The following ZNF514 variants were observed in gnomAD, a reference collection of about 807,000 sequenced individuals.
ZNF514 encodes the protein zinc finger protein 514.
A neutral mutation model predicts 9.7 loss-of-function variants in ZNF514; 12 were observed. That is an observed-to-expected ratio of 1.24 (90% CI 0.79 to 2.01). The LOEUF (loss-of-function observed/expected upper bound fraction) is 2.01, where lower values mean the gene tolerates loss of function less well. Ranked by LOEUF, ZNF514 falls within the 30% of genes most tolerant of loss-of-function variation. The pLI is 0.00. For missense variants in ZNF514, 467 were observed against 465.5 expected (o/e 1.00, Z -0.03); for synonymous variants, 158 against 163.7 (o/e 0.97, Z 0.27).
chr2:95,150,490 A>G (rs1312812952), intron 4 of ZNF514, among the ~76,000 whole-genome samples: 3 of 152,162 alleles, frequency 2.0e-5, no homozygotes, highest in Non-Finnish European at 4.4e-5. Context: ...AATCTGAGAG[A>G]TATGTGTTTA....
Position 95,157,449 on chromosome 2 carries a change from TAGA to T in ZNF514, c.-95-13_-95-11del, listed in dbSNP as rs946324480. 64 of 1,288,160 alleles carry T rather than the reference TAGA, an allele frequency of 5.0e-5. No homozygotes were observed. The highest frequency in any genetic ancestry group is 7.6e-5 in the African/African-American group (5 of 65,788). The allele number at this position is 1,288,160 out of a possible 1,614,324, so 79.8% of individuals were successfully genotyped here. On this transcript the variant is annotated splice_polypyrimidine_tract_variant and intron_variant, in intron 1 of 4. Coordinates refer to ENST00000295208, the MANE Select transcript of ZNF514 (RefSeq NM_032788.3). ...TTCTGAGAAGGGGAAGCTGGGAAGG[TAGA>T]AGGAGACATAAGGGAAGCTGACCCA...
the ZNF514 span, among the ~76,000 whole-genome samples, chr2:95,135,232 G>GT: frequency 3.3e-5 from 5 of 151,934 alleles, no homozygotes; most frequent in African/African-American, 1.2e-4. Flanking sequence ...AACGTGAGAT[G>GT]TTTTTTCATT....
rs943705436 is a variant in ZNF514, at chr2:95,149,671, T to A, written c.814A>T (p.Ser272Cys). Residue 272 changes from serine to cysteine, a missense_variant, in exon 5 of 5, where the codon AGT becomes TGT. Ser to Cys is a moderately radical substitution (Grantham distance 112). Coordinates refer to ENST00000295208, the MANE Select transcript of ZNF514 (RefSeq NM_032788.3). ...CSECGRAFSQ[S>C]SSLVLHYRFH... is the part of the protein sequence containing the mutation. Reference sequence around the variant, plus strand: ...CTATAGTGCAGAACAAGAGACGAACTCTGGCTGAAGGCTCTCCCACATTCA... The same window carrying A: ...CTATAGTGCAGAACAAGAGACGAACACTGGCTGAAGGCTCTCCCACATTCA... 6.2e-6 allele frequency: 10 copies of A among 1,614,248 alleles called. No homozygotes were observed. The highest frequency in any genetic ancestry group is 8.5e-6 in the Non-Finnish European group (10 of 1,180,040).
At chr2:95,143,053 A>G (rs932275984), downstream of ZNF514, among the ~76,000 whole-genome samples, 6 of 152,222 alleles carry the variant, frequency 3.9e-5, no homozygotes, top group Admixed American at 6.5e-5. Context: ...TCTTTGCTCA[A>G]TGCTTCTGTA....
In ZNF514 at chr2:95,155,021, GAAGGGGGCATA is replaced by G. The variant is rs1164370282; in HGVS notation, c.-6-1773_-6-1763del. 3.3e-5 allele frequency: 5 copies of G among 152,302 alleles called. No individual in the cohort carries two copies. The South Asian group carries it at 6.2e-4, about 19-fold the overall frequency. 9.4% of individuals were successfully genotyped at this position (152,302 alleles called of 1,614,324 possible). A position where few individuals can be genotyped will look rare whatever the true frequency, so the allele number is the denominator to read the frequency against. On this transcript the variant is annotated intron_variant, in intron 2 of 4. Coordinates refer to ENST00000295208, the MANE Select transcript of ZNF514 (RefSeq NM_032788.3). ...CAAAAACTCCACAATTAAGGCTAAA[GAAGGGGGCATA>G]TTTCAAAAAGAACTGTGGGTCAAAC...
rs1314930736 is a variant in ZNF514, at chr2:95,159,358, GC to G, written c.-215del. On this transcript the variant is annotated 5_prime_UTR_variant, in exon 1 of 5. Coordinates refer to ENST00000295208, the MANE Select transcript of ZNF514 (RefSeq NM_032788.3). ...CCACAGCCACGCCCGCGACGCGAGG[GC>G]CCAGCGCTCTTCAGCTGCCCGGAAA... is the stretch of plus-strand genomic sequence containing the variant. 5 of 163,964 alleles carry G rather than the reference GC, an allele frequency of 3.0e-5. No individual in the cohort carries two copies. Among genetic ancestry groups the G allele is most frequent in the Non-Finnish European group, 6.6e-5 (5 of 75,586 alleles). 10.2% of individuals were successfully genotyped at this position (163,964 alleles called of 1,614,324 possible).
At chr2:95,144,594 A>G (rs980183758), downstream of ZNF514, among the ~76,000 whole-genome samples, 1 of 152,128 alleles carries the variant, frequency 6.6e-6, no homozygotes, top group South Asian at 2.1e-4. Flanking sequence ...ACTCTTCCCT[A>G]TGCATCTCAT....
the ZNF514 span, among the ~76,000 whole-genome samples, chr2:95,128,144 G>A: frequency 1.3e-5 from 2 of 152,006 alleles, no homozygotes; most frequent in African/African-American, 4.8e-5. Context: ...TGTAATCCCA[G>A]CACTTGGGGA....
chr2:95,133,077 G>A, the ZNF514 span, among the ~76,000 whole-genome samples: 1 of 151,986 alleles, frequency 6.6e-6, no homozygotes, highest in South Asian at 2.1e-4. Flanking sequence ...ACGCACTCTC[G>A]TAAATCCATG....
At chr2:95,133,650 CATT>C in the ZNF514 span, among the ~76,000 whole-genome samples, 3 of 152,096 alleles carry the variant, frequency 2.0e-5, no homozygotes, top group Non-Finnish European at 4.4e-5. Context: ...TTTTTCTTGT[CATT>C]ATTTCCTAGG....
In ZNF514 at chr2:95,146,271, C is replaced by G. The variant is rs1333305723; in HGVS notation, c.*3011G>C. Among the ~76,000 whole-genome samples the G allele has an allele frequency of 1.3e-5, 2 of 152,154 alleles. No homozygotes were observed. The highest frequency in any genetic ancestry group is 2.9e-5 in the Non-Finnish European group (2 of 68,036). On this transcript the variant is annotated 3_prime_UTR_variant, in exon 5 of 5. Coordinates refer to ENST00000295208, the MANE Select transcript of ZNF514 (RefSeq NM_032788.3). ...AAAAAATTATTTAAATAGATCAAGA[C>G]AGTGATACGATTTACCACAAGTCTA...
Position 95,157,523 on chromosome 2 carries a change from C to G in ZNF514, c.-95-84G>C, listed in dbSNP as rs1050534379. On this transcript the variant is annotated intron_variant, in intron 1 of 4. Transcript: ENST00000295208. ...GACTTCCCAAGCCTGAGACCCAGAA[C>G]AGCTCTGAATGTCACCTCCGTTGTT... 3.7e-5 allele frequency: 27 copies of G among 726,940 alleles called. No individual in the cohort carries two copies. In the African/African-American group the frequency reaches 4.4e-4, roughly 12 times the overall value. The allele number at this position is 726,940 out of a possible 1,614,324, so 45.0% of individuals were successfully genotyped here.
rs1049464986 is a variant in ZNF514, at chr2:95,159,428, C to CT, written c.-285dup. 1 of 159,290 alleles carries CT rather than the reference C, an allele frequency of 6.3e-6. No homozygotes were observed. The highest frequency in any genetic ancestry group is 1.4e-5 in the Non-Finnish European group (1 of 72,604). The allele number at this position is 159,290 out of a possible 1,614,324, so 9.9% of individuals were successfully genotyped here. A position where few individuals can be genotyped will look rare whatever the true frequency, so the allele number is the denominator to read the frequency against. Reference sequence around the variant, plus strand: ...AGCCTCACAGGAGCAGGGACCGACTCTATCAGCCCGGTTCGCCCCGCTGTC... The same window carrying CT: ...AGCCTCACAGGAGCAGGGACCGACTCTTATCAGCCCGGTTCGCCCCGCTGTC... On this transcript the variant is annotated 5_prime_UTR_variant, in exon 1 of 5. Transcript: ENST00000295208.
At chr2:95,155,802 G>A (rs1049324732) in intron 2 of ZNF514, 2 of 152,332 alleles carry the variant, frequency 1.3e-5, no homozygotes, top group African/African-American at 2.4e-5. Flanking sequence ...AGCAGCCAGT[G>A]GGTTGTGAGC....
the ZNF514 span, among the ~76,000 whole-genome samples, chr2:95,126,939 C>T: frequency 2.0e-5 from 3 of 152,036 alleles, no homozygotes; most frequent in African/African-American, 7.3e-5. Context: ...GGACCTATTG[C>T]GCCCACCGTG....
chr2:95,155,230 A>G (rs1246381776), intron 2 of ZNF514: 1 of 152,248 alleles, frequency 6.6e-6, no homozygotes, highest in African/African-American at 2.4e-5. Context: ...CCAAGGAGGT[A>G]TCAAAACGAA....
chr2:95,149,966 G>A lies in ZNF514; in HGVS notation c.519C>T (p.Leu173=), dbSNP rs1381954501. 2.5e-6 allele frequency: 4 copies of A among 1,614,178 alleles called. No homozygotes were observed. Among genetic ancestry groups the A allele is most frequent in the African/African-American group, 1.3e-5 (1 of 75,046 alleles). The part of the protein sequence containing the change: ...RSVLVNQHSI[L]MGEGSYKCDT... Reference sequence around the variant, plus strand: ...CACATTTATAAGATCCTTCTCCCATGAGAATGCTGTGTTGGTTAACAAGGA... The same window carrying A: ...CACATTTATAAGATCCTTCTCCCATAAGAATGCTGTGTTGGTTAACAAGGA... The change falls in exon 5 of 5, where the codon CTC becomes CTT. Residue 173 remains leucine, a synonymous_variant. Coordinates refer to ENST00000295208, the MANE Select transcript of ZNF514 (RefSeq NM_032788.3).
rs1466715904 is a variant in ZNF514 at position 95,146,346 on chromosome 2, C to A, written c.*2936G>T. On this transcript the variant is annotated 3_prime_UTR_variant, in exon 5 of 5. Coordinates refer to ENST00000295208, the MANE Select transcript of ZNF514 (RefSeq NM_032788.3). ...ACACAAACAAATATGTTTATGATTA[C>A]AAATGGTAAGATATGACTTCATATC... Among the ~76,000 whole-genome samples, 1 of 152,148 alleles carries A rather than the reference C, an allele frequency of 6.6e-6. No homozygotes were observed. Among genetic ancestry groups the A allele is most frequent in the African/African-American group, 2.4e-5 (1 of 41,436 alleles).
rs1335017397 is a variant in ZNF514 at position 95,153,210 on chromosome 2, C to T, written c.44G>A (p.Trp15Ter). The T allele has an allele frequency of 4.3e-6, 7 of 1,614,070 alleles. No individual in the cohort carries two copies. The highest frequency in any genetic ancestry group is 5.9e-6 in the Non-Finnish European group (7 of 1,179,950). ...CTTCTGAGCAGGGTTCAGCTGCCCCCACTCCCACTGGCTGAATTCCACAGC... is the reference window on the plus strand; with the variant it reads ...CTTCTGAGCAGGGTTCAGCTGCCCCTACTCCCACTGGCTGAATTCCACAGC... ...DVAVEFSQWE[W>*]GQLNPAQKDL... Residue 15 changes from tryptophan (W) to a stop codon, truncating the protein, a stop_gained, in exon 3 of 5, where the codon TGG becomes TAG. Transcript: ENST00000295208. LOFTEE classifies it high-confidence loss of function.
Sources: gnomAD v4.1 joint callset for allele counts (sites outside exome capture counted in the v4.1 genomes callset) on GRCh38, gnomAD v4.1.1 for gene constraint, MANE v1.5 for transcripts, NCBI Gene and HGNC (gene_info 2026-07-23, HGNC 2026-07-21) for gene names.